Variants in TMEM272 observed in about 807,000 individuals in gnomAD.
The protein encoded by TMEM272 is long intergenic non-protein coding RNA 282.
Under a neutral mutation model 3.7 loss-of-function variants are expected in TMEM272, and 8 were observed. That is an observed-to-expected ratio of 2.17 (90% confidence interval 1.27 to 3.91). The LOEUF is 3.91. Ranked by LOEUF, TMEM272 falls within the 30% of genes most tolerant of loss-of-function variation. TMEM272 has a pLI of 0.00. For missense variants in TMEM272, 166 were observed against 91.5 expected (o/e 1.81, Z -3.32); for synonymous variants, 63 against 39.8 (o/e 1.58, Z -2.20).
the TMEM272 span, among the ~76,000 whole-genome samples, chr13:51,907,969 A>G: frequency 1.2e-4 from 19 of 152,186 alleles, 1 homozygote; most frequent in Admixed American, 1.2e-3. Context: ...AACTCCCACT[A>G]CTGTTTAGAT....
At chr13:51,830,930 TAATGAGGCTCACTCTTGCTCGAGGTCG>T (rs1956168195) in intron 2 of TMEM272, among the ~76,000 whole-genome samples, 1 of 151,088 alleles carries the variant, frequency 6.6e-6, no homozygotes, top group South Asian at 2.1e-4. Context: ...GCTCGAGGTC[TAATGAGGCTCACTCTTGCTCGAGGTCG>T]AATGAGGCTC....
intron 2 of TMEM272, among the ~76,000 whole-genome samples, chr13:51,836,984 T>C (rs757031634): frequency 6.6e-5 from 10 of 152,172 alleles, no homozygotes; most frequent in African/African-American, 2.2e-4. Context: ...GGGGAGTCAC[T>C]GTGCAGTGAA....
the TMEM272 span, among the ~76,000 whole-genome samples, chr13:51,922,928 G>A: frequency 6.6e-6 from 1 of 152,172 alleles, no homozygotes; most frequent in Non-Finnish European, 1.5e-5. Flanking sequence ...CACCCACATG[G>A]TCCAGGATCC....
intron 4 of TMEM272, among the ~76,000 whole-genome samples, chr13:51,819,960 G>A (rs985891248): frequency 3.3e-5 from 5 of 152,128 alleles, no homozygotes; most frequent in Admixed American, 6.5e-5. Context: ...AGAAGTCCTG[G>A]TTTATGCTGT....
At chr13:51,851,395 G>GA in the TMEM272 span, among the ~76,000 whole-genome samples, 1 of 149,836 alleles carries the variant, frequency 6.7e-6, no homozygotes. Flanking sequence ...GGAGGAGGAG[G>GA]AGGAAGAAGA....
the TMEM272 span, among the ~76,000 whole-genome samples, chr13:51,912,041 G>A: frequency 6.6e-6 from 1 of 152,060 alleles, no homozygotes; most frequent in Non-Finnish European, 1.5e-5. Context: ...CTGTCAGTGT[G>A]GCACCTCCCA....
the TMEM272 span, among the ~76,000 whole-genome samples, chr13:51,912,697 C>T: frequency 2.0e-5 from 3 of 152,186 alleles, no homozygotes; most frequent in Non-Finnish European, 4.4e-5. Flanking sequence ...GCACTGACCT[C>T]GGTGTCTGCC....
chr13:51,892,203 TG>T, the TMEM272 span, among the ~76,000 whole-genome samples: 1 of 152,030 alleles, frequency 6.6e-6, no homozygotes, highest in African/African-American at 2.4e-5. Context: ...CCCTCAGGGG[TG>T]GTGGGATCTG....
chr13:51,845,886 G>C (rs1956300809), upstream of TMEM272, among the ~76,000 whole-genome samples: 1 of 152,234 alleles, frequency 6.6e-6, no homozygotes, highest in Admixed American at 6.5e-5. Flanking sequence ...TCTCCTGTAG[G>C]TGCTCCATGG....
chr13:51,878,285 C>T, the TMEM272 span, among the ~76,000 whole-genome samples: 2 of 152,096 alleles, frequency 1.3e-5, no homozygotes. Flanking sequence ...AAAAAATTAG[C>T]CAGGCGTCGT....
At chr13:51,838,336 C>G in intron 2 of TMEM272, 137 bp downstream of exon 2, 1 of 673,792 alleles carries the variant, frequency 1.5e-6, no homozygotes, top group Non-Finnish European at 2.7e-6. Flanking sequence ...ACACTGTCTT[C>G]CCCAGCTCTA....
At chr13:51,923,394 C>G in the TMEM272 span, among the ~76,000 whole-genome samples, 3 of 152,182 alleles carry the variant, frequency 2.0e-5, no homozygotes, top group African/African-American at 4.8e-5. Flanking sequence ...CCACAGCCAC[C>G]TGGGGAGGCG....
At chr13:51,817,348 G>C (rs982494856) in intron 4 of TMEM272, among the ~76,000 whole-genome samples, 1 of 152,214 alleles carries the variant, frequency 6.6e-6, no homozygotes, top group African/African-American at 2.4e-5. Context: ...TTCATCGCCA[G>C]CATCCTCAGT....
the TMEM272 span, among the ~76,000 whole-genome samples, chr13:51,907,668 C>T: frequency 1.3e-5 from 2 of 152,246 alleles, no homozygotes; most frequent in Non-Finnish European, 2.9e-5. Flanking sequence ...TATCTTCTCG[C>T]TGACCATACT....
the TMEM272 span, chr13:51,909,247 C>A: frequency 2.6e-6 from 3 of 1,165,624 alleles, no homozygotes; most frequent in Non-Finnish European, 3.9e-6. Flanking sequence ...AAACAATTAT[C>A]ATGTGCTTTT....
the TMEM272 span, chr13:51,908,788 G>A: frequency 1.4e-6 from 2 of 1,441,394 alleles, no homozygotes; most frequent in African/African-American, 2.8e-5. Context: ...GCTGAATCAG[G>A]ATATGATTGT....
At chr13:51,817,904 ACT>A (rs1424211458) in intron 4 of TMEM272, among the ~76,000 whole-genome samples, 1 of 151,680 alleles carries the variant, frequency 6.6e-6, no homozygotes, top group East Asian at 1.9e-4. Context: ...GACCCACCCG[ACT>A]CTAACTGGCC....
chr13:51,860,437 G>A, the TMEM272 span, among the ~76,000 whole-genome samples: 16 of 151,966 alleles, frequency 1.1e-4, no homozygotes, highest in African/African-American at 3.4e-4. Flanking sequence ...CTAGAAGTTT[G>A]AGGCCAGCCT....
chr13:51,881,392 A>C, the TMEM272 span, among the ~76,000 whole-genome samples: 2 of 152,134 alleles, frequency 1.3e-5, no homozygotes, highest in Non-Finnish European at 2.9e-5. Flanking sequence ...TGAGAAATGA[A>C]GAAAGGACTA....
Sources: allele counts gnomAD v4.1 joint callset (sites outside exome capture counted in the v4.1 genomes callset), GRCh38; gene constraint gnomAD v4.1.1; transcripts MANE v1.5; gene names NCBI Gene and HGNC (gene_info 2026-07-23, HGNC 2026-07-21).